Variants in APC2 observed in about 807,000 individuals in gnomAD.
APC2 encodes the protein APC regulator of Wnt signaling pathway 2.
In APC2, 41 loss-of-function variants were observed where a neutral mutation model predicts 72.5. That is an observed-to-expected ratio of 0.57 (90% CI 0.44 to 0.73). The LOEUF (loss-of-function observed/expected upper bound fraction) is 0.73, where lower values mean the gene tolerates loss of function less well. Ranked by LOEUF, APC2 falls within the 30% of genes least tolerant of loss-of-function variation. The pLI, the probability that APC2 is intolerant of heterozygous loss-of-function variation, is 0.00. For missense variants in APC2, 3,729 were observed against 3,403.4 expected, an observed-to-expected ratio of 1.10 and a Z score of -2.38; for synonymous variants, 1,898 against 1,612.0, an observed-to-expected ratio of 1.18 and a Z score of -4.25.
At chr19:1,457,403 T>C in intron 9 of APC2, 160 bp downstream of exon 9, 2 of 1,096,468 alleles carry the variant, frequency 1.8e-6, no homozygotes, top group Non-Finnish European at 2.5e-6. Flanking sequence ...CATTTGACGT[T>C]GGGAAAAGAC....
chr19:1,469,054 C>T lies in APC2; in HGVS notation c.5753C>T (p.Ala1918Val), dbSNP rs768156815. 6.7e-5 allele frequency: 103 copies of T among 1,533,924 alleles called. No homozygotes were observed. The highest frequency in any genetic ancestry group is 5.8e-5 in the Non-Finnish European group (66 of 1,141,950). ...VPKTPARTLL[A>V]KQHKTQRSPV... is the part of the protein sequence containing the mutation. ...AAAACGCCGGCGCGCACCCTTCTGGCGAAGCAGCACAAGACGCAGAGATCG... is the reference window on the plus strand; with the variant it reads ...AAAACGCCGGCGCGCACCCTTCTGGTGAAGCAGCACAAGACGCAGAGATCG... Residue 1918 changes from alanine to valine, a missense_variant, in exon 15 of 15, where the codon GCG (alanine) becomes GTG (valine). By Grantham distance (64) the Ala-to-Val change is moderately conservative. Transcript: ENST00000590469.
At chr19:1,450,783 G>A (rs991748062) in intron 1 of APC2, among the ~76,000 whole-genome samples, 2 of 152,166 alleles carry the variant, frequency 1.3e-5, no homozygotes, top group African/African-American at 2.4e-5. Context: ...GGGAGTGATC[G>A]CTCAGGAAGG....
rs2083728983 is a variant in APC2 at position 1,450,350 on chromosome 19, C to T, written c.-19+12C>T. ...CTGCACGTAAGCGGGTGTGTGTCCT[C>T]GGGGAGGAGGGCAGGGGCGCGACCT... On this transcript the variant is annotated intron_variant, in intron 1 of 14. Coordinates refer to ENST00000590469, the MANE Select transcript of APC2 (RefSeq NM_005883.3). 4.1e-6 allele frequency: 4 copies of T among 985,556 alleles called. No individual in the cohort carries two copies. In the South Asian group the frequency reaches 1.9e-4, roughly 46 times the overall value. 61.1% of individuals were successfully genotyped at this position (985,556 alleles called of 1,614,324 possible).
chr19:1,463,653 G>C (rs985723712), intron 14 of APC2, among the ~76,000 whole-genome samples: 1 of 151,620 alleles, frequency 6.6e-6, no homozygotes, highest in Non-Finnish European at 1.5e-5. Context: ...AGGAGGCTGA[G>C]GTGGAAGAAT....
chr19:1,464,163 G>T (rs1396973455), intron 14 of APC2, among the ~76,000 whole-genome samples: 1 of 152,114 alleles, frequency 6.6e-6, no homozygotes, highest in Non-Finnish European at 1.5e-5. Flanking sequence ...ATAAAAATTA[G>T]CCAGGCGGGG....
At position 1,466,885 on chromosome 19, in the gene APC2, C is replaced by T; in HGVS notation, c.3584C>T (p.Pro1195Leu). 6.4e-7 allele frequency: 1 copy of T among 1,571,476 alleles called. No individual in the cohort carries two copies. Among genetic ancestry groups the T allele is most frequent in the Non-Finnish European group, 8.6e-7 (1 of 1,159,560 alleles). ...CSGQGSGTIS[P>L]SELPDSPGQT... The stretch of plus-strand genomic sequence containing the variant: ...GGGCAGGGCAGCGGCACCATCAGCC[C>T]TAGCGAGCTGCCCGACAGCCCCGGA... Residue 1195 changes from proline (P) to leucine (L), a missense_variant, in exon 15 of 15, where the codon CCT becomes CTT. Physicochemically the swap from Pro to Leu is moderately conservative, Grantham distance 98 (BLOSUM62 -3). Coordinates refer to ENST00000590469, the MANE Select transcript of APC2 (RefSeq NM_005883.3).
chr19:1,456,433 C>T (rs779710836), intron 8 of APC2, 29 bp downstream of exon 8: 9 of 1,556,598 alleles, frequency 5.8e-6, no homozygotes, highest in East Asian at 4.7e-5. Context: ...CGGGGGCTGG[C>T]GCAGCTGTCT....
chr19:1,469,650 G>A lies in APC2; in HGVS notation c.6349G>A (p.Ala2117Thr). The change falls in exon 15 of 15, where the codon GCG becomes ACG. Residue 2117 changes from alanine to threonine, a missense_variant. By Grantham distance (58) the Ala-to-Thr change is moderately conservative. Coordinates refer to ENST00000590469, the MANE Select transcript of APC2 (RefSeq NM_005883.3). Reference sequence around the variant, plus strand: ...CCGCAGGCCCGACGGCGCCGTCCCCGCGGCCCCTGCCTCAGCCGACGCCGC... The same window carrying A: ...CCGCAGGCCCGACGGCGCCGTCCCCACGGCCCCTGCCTCAGCCGACGCCGC... ...VARRPDGAVPAAPASADAARR... is the reference protein window; with the variant it reads ...VARRPDGAVPTAPASADAARR... 8.1e-7 allele frequency: 1 copy of A among 1,238,278 alleles called. No homozygotes were observed. The highest frequency in any genetic ancestry group is 3.0e-5 in the South Asian group (1 of 32,914). 76.7% of individuals were successfully genotyped at this position (1,238,278 alleles called of 1,614,324 possible).
At chr19:1,455,811 C>G (rs1377769123) in intron 6 of APC2, among the ~76,000 whole-genome samples, 1 of 151,726 alleles carries the variant, frequency 6.6e-6, no homozygotes, top group South Asian at 2.1e-4. Flanking sequence ...TGGGTGGAGC[C>G]CAAATGGGAA....
rs1257690317 is a variant in APC2, at chr19:1,469,873, T to C, written c.6572T>C (p.Val2191Ala). 6.6e-7 allele frequency: 1 copy of C among 1,522,900 alleles called. No homozygotes were observed. Among genetic ancestry groups the C allele is most frequent in the East Asian group, 2.5e-5 (1 of 39,360 alleles). 94.3% of individuals were successfully genotyped at this position (1,522,900 alleles called of 1,614,324 possible). ...CCGCGCAAGACCAGCGACGCCGTGG[T>C]CCAGACCGAGGAGGTCGCCGCCCCC... ...PPPRKTSDAV[V>A]QTEEVAAPKT... is the part of the protein sequence containing the mutation. The change falls in exon 15 of 15, where the codon GTC becomes GCC. Residue 2191 changes from valine (V) to alanine (A), a missense_variant. Coordinates refer to ENST00000590469, the MANE Select transcript of APC2 (RefSeq NM_005883.3).
rs955698618 is a variant in APC2, at chr19:1,470,099, C to T, written c.6798C>T (p.Arg2266=). The T allele has an allele frequency of 9.3e-6, 15 of 1,605,122 alleles. No individual in the cohort carries two copies. The highest frequency in any genetic ancestry group is 1.3e-5 in the Non-Finnish European group (15 of 1,177,668). Reference sequence around the variant, plus strand: ...CCAGCCGGCACGGCTCCCCCAGCCGCTCGGCCCGAGTACCCCCCTTCAACT... The same window carrying T: ...CCAGCCGGCACGGCTCCCCCAGCCGTTCGGCCCGAGTACCCCCCTTCAACT... ...FPASRHGSPS[R]SARVPPFNYV... Residue 2266 remains arginine (R), a synonymous_variant, in exon 15 of 15, where the codon CGC becomes CGT. Transcript: ENST00000590469.
chr19:1,457,026 T>C lies in APC2; in HGVS notation c.990T>C (p.Gly330=), dbSNP rs1345560464. ...ACGGCACCGAGGCCGCGGCCGGGGG[T>C]CGCGCCGGGGCCCCAGGGGCACCGG... ...ILHGTEAAAG[G]RAGAPGAPGA... Residue 330 remains glycine (G), a synonymous_variant, in exon 9 of 15, where the codon GGT becomes GGC. Coordinates refer to ENST00000590469, the MANE Select transcript of APC2 (RefSeq NM_005883.3). The C allele has an allele frequency of 8.5e-6, 13 of 1,527,228 alleles. No homozygotes were observed. The highest frequency in any genetic ancestry group is 1.1e-5 in the Non-Finnish European group (13 of 1,143,640). The allele number at this position is 1,527,228 out of a possible 1,614,324, so 94.6% of individuals were successfully genotyped here. A position where few individuals can be genotyped will look rare whatever the true frequency, so the allele number is the denominator to read the frequency against.
Position 1,468,447 on chromosome 19 carries a change from T to C in APC2, c.5146T>C (p.Ser1716Pro). 3 of 1,595,612 alleles carry C rather than the reference T, an allele frequency of 1.9e-6. No individual in the cohort carries two copies. Among genetic ancestry groups the C allele is most frequent in the Non-Finnish European group, 2.6e-6 (3 of 1,172,542 alleles). Reference sequence around the variant, plus strand: ...GCGGGAGGCCTCGTCCGAGTCCGACTCCATCCTGTCCTTCGTATCCGGGCT... The same window carrying C: ...GCGGGAGGCCTCGTCCGAGTCCGACCCCATCCTGTCCTTCGTATCCGGGCT... The part of the protein sequence containing the change: ...ATREASSESD[S>P]ILSFVSGLSV... Residue 1716 changes from serine to proline, a missense_variant, in exon 15 of 15, where the codon TCC (serine) becomes CCC (proline). Coordinates refer to ENST00000590469, the MANE Select transcript of APC2 (RefSeq NM_005883.3).
intron 10 of APC2, 118 bp downstream of exon 10, chr19:1,458,178 G>C: frequency 6.5e-6 from 6 of 918,824 alleles, no homozygotes; most frequent in Non-Finnish European, 1.0e-5. Context: ...ATTGGAGCCC[G>C]GAGAGGGACA....
In APC2 at chr19:1,456,146, A is replaced by T. The variant is rs931434270; in HGVS notation, c.710A>T (p.Glu237Val). 1 of 1,589,220 alleles carries T rather than the reference A, an allele frequency of 6.3e-7. No individual in the cohort carries two copies. Among genetic ancestry groups the T allele is most frequent in the African/African-American group, 1.3e-5 (1 of 74,594 alleles). Residue 237 changes from glutamate (E) to valine (V), a missense_variant, in exon 7 of 15, where the codon GAG (glutamate) becomes GTG (valine). By Grantham distance (121) the Glu-to-Val change is moderately radical. Transcript: ENST00000590469. ...LEAQDRVQQT[E>V]PQALLAVKSV... Reference sequence around the variant, plus strand: ...GCGCAGGACCGAGTGCAGCAGACGGAGCCCCAGGTACCGGGTGGGGCAGAG... The same window carrying T: ...GCGCAGGACCGAGTGCAGCAGACGGTGCCCCAGGTACCGGGTGGGGCAGAG...
Position 1,466,020 on chromosome 19 carries a change from A to G in APC2, c.2719A>G (p.Ser907Gly). 6.7e-7 allele frequency: 1 copy of G among 1,496,112 alleles called. No homozygotes were observed. Among genetic ancestry groups the G allele is most frequent in the South Asian group, 1.3e-5 (1 of 76,404 alleles). The allele number at this position is 1,496,112 out of a possible 1,614,324, so 92.7% of individuals were successfully genotyped here. Residue 907 changes from serine to glycine, a missense_variant, in exon 15 of 15, where the codon AGC becomes GGC. By Grantham distance (56) the Ser-to-Gly change is moderately conservative. Transcript: ENST00000590469. ...GGAGGGCGGGCGGCGAGAGGCAGGA[A>G]GCCGGGCGCACCCGCTGCTGCGGCT... Reference protein sequence around the residue: ...GPEGGRREAGSRAHPLLRLKA... With the variant: ...GPEGGRREAGGRAHPLLRLKA...
intron 14 of APC2, 50 bp downstream of exon 14, chr19:1,462,227 G>A: frequency 2.0e-6 from 3 of 1,484,956 alleles, no homozygotes; most frequent in Non-Finnish European, 2.7e-6. Context: ...CTCGGGGCGG[G>A]CACAGGGCTG....
chr19:1,467,952 C>G lies in APC2; in HGVS notation c.4651C>G (p.Pro1551Ala). 1.3e-6 allele frequency: 2 copies of G among 1,584,730 alleles called. No homozygotes were observed. Among genetic ancestry groups the G allele is most frequent in the Non-Finnish European group, 1.7e-6 (2 of 1,174,230 alleles). The change falls in exon 15 of 15, where the codon CCG becomes GCG. Residue 1551 changes from proline to alanine, a missense_variant. Physicochemically the swap from Pro to Ala is conservative, Grantham distance 27. Transcript: ENST00000590469. ...RPQGRKEAPA[P>A]SKAAPAAPPP... ...GCAGGGCCGGAAGGAGGCCCCTGCC[C>G]CGTCCAAGGCTGCACCAGCTGCCCC... is the stretch of plus-strand genomic sequence containing the variant.
chr19:1,470,206 T>C lies in APC2; in HGVS notation c.6905T>C (p.Leu2302Pro). ...CCGGCCACTGCCTCCGCCACCCTCC[T>C]GGAATAGTGGCCTAGGCCGGCCTTC... ...KAPATASATL[L>P]E is the part of the protein sequence containing the mutation. The change falls in exon 15 of 15, where the codon CTG (leucine) becomes CCG (proline). Residue 2302 changes from leucine (L) to proline (P), a missense_variant. Leu to Pro is a moderately conservative substitution (Grantham distance 98, BLOSUM62 -3). Transcript: ENST00000590469. 1 of 1,591,468 alleles carries C rather than the reference T, an allele frequency of 6.3e-7. No individual in the cohort carries two copies. Among genetic ancestry groups the C allele is most frequent in the Non-Finnish European group, 8.5e-7 (1 of 1,171,528 alleles).
Sources: allele counts gnomAD v4.1 joint callset (sites outside exome capture counted in the v4.1 genomes callset), GRCh38; gene constraint gnomAD v4.1.1; transcripts MANE v1.5; gene names NCBI Gene and HGNC (gene_info 2026-07-23, HGNC 2026-07-21).